The following C1QTNF3 variants were observed in gnomAD, a reference collection of about 807,000 sequenced individuals.
The protein encoded by C1QTNF3 is C1q and TNF related 3.
In C1QTNF3, 26 loss-of-function variants were observed where a neutral mutation model predicts 32.6. That is an observed-to-expected ratio of 0.80 (90% CI 0.58 to 1.11). C1QTNF3 has a LOEUF of 1.11. C1QTNF3 is among the 50% of genes least tolerant of loss of function. The probability of loss-of-function intolerance (pLI) is 0.00; values close to 1 mark genes in which losing one functional copy is unlikely to be tolerated. For missense variants in C1QTNF3, 362 were observed against 398.2 expected (o/e 0.91, Z 0.77); for synonymous variants, 155 against 146.0 (o/e 1.06, Z -0.44).
At chr5:34,146,501 G>A in the C1QTNF3 span, among the ~76,000 whole-genome samples, 8 of 152,190 alleles carry the variant, frequency 5.3e-5, no homozygotes, top group Non-Finnish European at 1.2e-4. Flanking sequence ...AAAAAACCCG[G>A]AAATAAAGAC....
At chr5:34,212,162 C>T in the C1QTNF3 span, among the ~76,000 whole-genome samples, 4 of 151,554 alleles carry the variant, frequency 2.6e-5, no homozygotes, top group African/African-American at 4.9e-5. Flanking sequence ...GAAAGGATTC[C>T]CTATTTAATA....
chr5:34,097,433 A>G, the C1QTNF3 span, among the ~76,000 whole-genome samples: 28 of 147,900 alleles, frequency 1.9e-4, no homozygotes, highest in East Asian at 5.6e-3. Context: ...GAGAATTTCA[A>G]TAGTTAGATA....
the C1QTNF3 span, among the ~76,000 whole-genome samples, chr5:34,107,393 CATT>C: frequency 6.6e-6 from 1 of 150,938 alleles, no homozygotes; most frequent in African/African-American, 2.4e-5. Flanking sequence ...ACACATGACT[CATT>C]GTCTCAATCA....
At chr5:34,047,159 T>C (rs1755000568), upstream of C1QTNF3, among the ~76,000 whole-genome samples, 1 of 152,234 alleles carries the variant, frequency 6.6e-6, no homozygotes, top group African/African-American at 2.4e-5. Flanking sequence ...CAGTTGTCTC[T>C]GGCTGTGAAA....
the C1QTNF3 span, among the ~76,000 whole-genome samples, chr5:34,153,851 T>TATA: frequency 6.5e-4 from 27 of 41,814 alleles, no homozygotes; most frequent in African/African-American, 2.2e-3. Flanking sequence ...AAACTTAGAG[T>TATA]ATAAAAAAAA....
the C1QTNF3 span, among the ~76,000 whole-genome samples, chr5:34,136,471 A>G: frequency 6.6e-6 from 1 of 152,242 alleles, no homozygotes; most frequent in South Asian, 2.1e-4. Context: ...CGCCAGTTAG[A>G]ATGGCAATCA....
the C1QTNF3 span, chr5:34,158,751 C>T: frequency 6.6e-6 from 1 of 152,004 alleles, no homozygotes; most frequent in Non-Finnish European, 1.5e-5. Flanking sequence ...ATAAATGATT[C>T]TGACCCATTT....
chr5:34,028,118 G>A (rs1156590293), intron 4 of C1QTNF3, among the ~76,000 whole-genome samples: 3 of 152,056 alleles, frequency 2.0e-5, no homozygotes, highest in African/African-American at 4.8e-5. Context: ...GACTACAGGC[G>A]CCCGCCACCA....
chr5:34,218,023 T>C, the C1QTNF3 span, among the ~76,000 whole-genome samples: 1 of 149,966 alleles, frequency 6.7e-6, no homozygotes, highest in Non-Finnish European at 1.5e-5. Flanking sequence ...TGTACAGTTA[T>C]GATAGCCTAT....
chr5:34,108,317 T>TA, the C1QTNF3 span, among the ~76,000 whole-genome samples: 1 of 152,128 alleles, frequency 6.6e-6, no homozygotes, highest in Admixed American at 6.6e-5. Flanking sequence ...TCTATACACA[T>TA]AGACTATGAA....
intron 4 of C1QTNF3, chr5:34,024,382 T>C (rs1754412100): frequency 5.4e-6 from 1 of 186,192 alleles, no homozygotes; most frequent in Non-Finnish European, 1.1e-5. Flanking sequence ...TGCAGAGATG[T>C]TTGTGGTTGA....
chr5:34,064,551 A>G, the C1QTNF3 span, among the ~76,000 whole-genome samples: 1 of 152,212 alleles, frequency 6.6e-6, no homozygotes, highest in African/African-American at 2.4e-5. Flanking sequence ...TTAGCTGTTC[A>G]GCAACAATGA....
the C1QTNF3 span, among the ~76,000 whole-genome samples, chr5:34,178,235 T>C: frequency 6.6e-6 from 1 of 151,778 alleles, no homozygotes; most frequent in East Asian, 1.9e-4. Flanking sequence ...GAGTCAAGAT[T>C]GCACCACTAC....
the C1QTNF3 span, among the ~76,000 whole-genome samples, chr5:34,163,239 G>A: frequency 1.3e-5 from 2 of 152,042 alleles, no homozygotes; most frequent in Non-Finnish European, 2.9e-5. Flanking sequence ...AAAAGATTCT[G>A]AGCTTAATTT....
the C1QTNF3 span, among the ~76,000 whole-genome samples, chr5:34,087,894 T>C: frequency 6.6e-6 from 1 of 152,234 alleles, no homozygotes; most frequent in East Asian, 1.9e-4. Context: ...CTTTTATTTT[T>C]TTATTACTGA....
the C1QTNF3 span, among the ~76,000 whole-genome samples, chr5:34,114,727 AT>A: frequency 2.0e-5 from 3 of 152,162 alleles, no homozygotes; most frequent in Non-Finnish European, 4.4e-5. Context: ...GACTAAACAA[AT>A]TCTATAGTAA....
At chr5:34,134,816 T>C in the C1QTNF3 span, among the ~76,000 whole-genome samples, 2 of 152,176 alleles carry the variant, frequency 1.3e-5, no homozygotes, top group African/African-American at 2.4e-5. Context: ...CTTAAGGAGA[T>C]TTTGGGTGGA....
At chr5:34,036,561 C>T (rs1285496085) in intron 1 of C1QTNF3, among the ~76,000 whole-genome samples, 2 of 152,148 alleles carry the variant, frequency 1.3e-5, no homozygotes, top group Non-Finnish European at 1.5e-5. Context: ...AAGTCCAATA[C>T]ATTTTTATTA....
the C1QTNF3 span, chr5:34,175,471 C>T: frequency 4.2e-6 from 1 of 236,736 alleles, no homozygotes; most frequent in Non-Finnish European, 8.3e-6. Context: ...TTTTACCCTC[C>T]TCTGGAATGA....
Sources: allele counts gnomAD v4.1 joint callset (sites outside exome capture counted in the v4.1 genomes callset), GRCh38; gene constraint gnomAD v4.1.1; transcripts MANE v1.5; gene names NCBI Gene and HGNC (gene_info 2026-07-23, HGNC 2026-07-21).